Variants in MACROD2 observed in about 807,000 individuals in gnomAD.
MACROD2 encodes mono-ADP ribosylhydrolase 2.
A neutral mutation model predicts 70.4 loss-of-function variants in MACROD2; 36 were observed. The observed-to-expected ratio is 0.51, with a 90% CI of 0.39 to 0.68. The LOEUF (loss-of-function observed/expected upper bound fraction) is 0.68. Ranked by LOEUF, MACROD2 falls within the 30% of genes least tolerant of loss-of-function variation. The pLI, the probability that MACROD2 is intolerant of heterozygous loss-of-function variation, is 0.00. For synonymous variants in MACROD2, 172 were observed against 178.8 expected, an observed-to-expected ratio of 0.96 and a Z score of 0.30; for missense variants, 496 against 538.4, an observed-to-expected ratio of 0.92 and a Z score of 0.78.
chr20:15,345,945 G>A (rs2078160955), intron 6 of MACROD2, among the ~76,000 whole-genome samples: 1 of 152,066 alleles, frequency 6.6e-6, no homozygotes, highest in South Asian at 2.1e-4. Flanking sequence ...AGCCAAGTAG[G>A]GAGACCTAGA....
chr20:14,454,779 G>A (rs541534479), intron 3 of MACROD2, among the ~76,000 whole-genome samples: 1 of 118,030 alleles, frequency 8.5e-6, no homozygotes, highest in South Asian at 2.7e-4. Flanking sequence ...TTGAGACGGA[G>A]TCTTGCTCTG....
intron 15 of MACROD2, among the ~76,000 whole-genome samples, chr20:16,023,686 C>T (rs185672249): frequency 6.6e-6 from 1 of 152,172 alleles, no homozygotes; most frequent in African/African-American, 2.4e-5. Flanking sequence ...GACTCAATCC[C>T]ACTGAGGCCT....
At chr20:15,033,347 C>T (rs926740671) in intron 5 of MACROD2, among the ~76,000 whole-genome samples, 9 of 152,100 alleles carry the variant, frequency 5.9e-5, no homozygotes, top group Admixed American at 3.9e-4. Context: ...TATCCTTTCC[C>T]GTGGTGAGCT....
intron 10 of MACROD2, among the ~76,000 whole-genome samples, chr20:15,901,147 T>C (rs1159964796): frequency 2.0e-5 from 3 of 152,156 alleles, no homozygotes; most frequent in African/African-American, 7.2e-5. Flanking sequence ...CTCTCCTTTT[T>C]CCCTTAGGTT....
chr20:14,950,143 G>T (rs1364367428), intron 5 of MACROD2, among the ~76,000 whole-genome samples: 3 of 152,050 alleles, frequency 2.0e-5, no homozygotes, highest in Admixed American at 6.6e-5. Context: ...TCTTGAAAAC[G>T]TGGGGCCAGG....
rs2074242025 is a variant in MACROD2, at chr20:14,927,079, ATTTCAGTATAATCTTGCCTT to A, written c.418+242121_418+242140del. On this transcript the variant is annotated intron_variant, in intron 5 of 17. Coordinates refer to ENST00000684519, the MANE Select transcript of MACROD2 (RefSeq NM_001351661.2). ...GTCAGTCATACAACTTAAATTTTTA[ATTTCAGTATAATCTTGCCTT>A]CTCCTGCCTATTTACAACTTCCTGA... 5.3e-5 allele frequency among the ~76,000 whole-genome samples: 8 copies of A among 152,108 alleles called. No individual in the cohort carries two copies. In the South Asian group the frequency reaches 1.2e-3, roughly 24 times the overall value.
At chr20:15,457,536 T>C (rs2046744896) in intron 7 of MACROD2, among the ~76,000 whole-genome samples, 1 of 152,116 alleles carries the variant, frequency 6.6e-6, no homozygotes, top group Admixed American at 6.6e-5. Context: ...CCTCATTCAC[T>C]TGTTGGAAAT....
chr20:15,183,833 T>C (rs2076517021), intron 5 of MACROD2, among the ~76,000 whole-genome samples: 1 of 152,202 alleles, frequency 6.6e-6, no homozygotes, highest in East Asian at 1.9e-4. Flanking sequence ...CTGGAACAGA[T>C]ACAGCCACTA....
chr20:15,871,649 T>C (rs1415750702), intron 9 of MACROD2, among the ~76,000 whole-genome samples: 1 of 152,202 alleles, frequency 6.6e-6, no homozygotes, highest in Non-Finnish European at 1.5e-5. Context: ...TCATGAAGAA[T>C]GTGGCACTTT....
intron 8 of MACROD2, among the ~76,000 whole-genome samples, chr20:15,808,624 C>G (rs2063790646): frequency 6.6e-6 from 1 of 151,976 alleles, no homozygotes; most frequent in South Asian, 2.1e-4. Flanking sequence ...CATTAATAAG[C>G]TAGGTTTTTA....
At chr20:14,348,413 G>A (rs1758369528) in intron 3 of MACROD2, among the ~76,000 whole-genome samples, 1 of 152,094 alleles carries the variant, frequency 6.6e-6, no homozygotes, top group African/African-American at 2.4e-5. Context: ...TATCAAGAAG[G>A]AAGGTATACC....
intron 11 of MACROD2, 126 bp downstream of exon 11, chr20:15,933,464 G>A: frequency 1.2e-6 from 1 of 836,718 alleles, no homozygotes. Context: ...TGTTCATTCA[G>A]GGTCTCCCTC....
At chr20:15,142,637 A>G (rs1039776232) in intron 5 of MACROD2, among the ~76,000 whole-genome samples, 29 of 151,366 alleles carry the variant, frequency 1.9e-4, no homozygotes, top group Non-Finnish European at 3.7e-4. Flanking sequence ...CATTAGGTGT[A>G]TCTCCTAATG....
chr20:15,141,669 C>G (rs1328664907), intron 5 of MACROD2, among the ~76,000 whole-genome samples: 1 of 152,124 alleles, frequency 6.6e-6, no homozygotes, highest in African/African-American at 2.4e-5. Context: ...TTTTTCTTTC[C>G]TACTTCTTCA....
chr20:14,310,381 A>G (rs908968471), intron 3 of MACROD2, among the ~76,000 whole-genome samples: 5 of 152,142 alleles, frequency 3.3e-5, no homozygotes, highest in Non-Finnish European at 7.4e-5. Context: ...ATTTTGACCA[A>G]TGATGGACTA....
intron 8 of MACROD2, among the ~76,000 whole-genome samples, chr20:15,858,372 C>G (rs909972473): frequency 6.6e-6 from 1 of 152,164 alleles, no homozygotes; most frequent in Non-Finnish European, 1.5e-5. Flanking sequence ...TAGTATGGGG[C>G]ATATGGGCCC....
At chr20:14,818,874 G>C (rs1251053132) in intron 5 of MACROD2, among the ~76,000 whole-genome samples, 2 of 128,804 alleles carry the variant, frequency 1.6e-5, no homozygotes, top group Non-Finnish European at 3.1e-5. Flanking sequence ...AGAGGTGGCT[G>C]CTGTGATGGC....
At chr20:15,441,626 CAA>C (rs963561774) in intron 7 of MACROD2, among the ~76,000 whole-genome samples, 4 of 151,804 alleles carry the variant, frequency 2.6e-5, no homozygotes, top group Admixed American at 1.3e-4. Context: ...AAAAAGAAAA[CAA>C]AAATTAAAAA....
intron 5 of MACROD2, among the ~76,000 whole-genome samples, chr20:14,945,779 T>C (rs1368863067): frequency 2.0e-5 from 3 of 152,050 alleles, no homozygotes; most frequent in African/African-American, 7.2e-5. Context: ...GGTGAGAAAA[T>C]AAAATGAGAA....
Sources: allele counts gnomAD v4.1 joint callset (sites outside exome capture counted in the v4.1 genomes callset), GRCh38; gene constraint gnomAD v4.1.1; transcripts MANE v1.5; gene names NCBI Gene and HGNC (gene_info 2026-07-23, HGNC 2026-07-21).